XRCC4: variants seen among roughly 807,000 people sequenced by gnomAD.
XRCC4 encodes X-ray repair cross complementing 4.
In XRCC4, 28 loss-of-function variants were observed where a neutral mutation model predicts 39.1. The observed-to-expected ratio is 0.72, with a 90% confidence interval of 0.53 to 0.98. The LOEUF is 0.98. Among genes scored for constraint, XRCC4 ranks in the 50% least tolerant of loss-of-function variants. The probability of loss-of-function intolerance (pLI) is 0.00; values close to 1 mark genes in which losing one functional copy is unlikely to be tolerated. For synonymous variants in XRCC4, 123 were observed against 126.4 expected, an observed-to-expected ratio of 0.97 and a Z score of 0.18; for missense variants, 350 against 376.4, an observed-to-expected ratio of 0.93 and a Z score of 0.58.
intron 7 of XRCC4, among the ~76,000 whole-genome samples, chr5:83,308,800 C>T (rs1361585024): frequency 2.6e-5 from 4 of 152,072 alleles, no homozygotes; most frequent in Non-Finnish European, 5.9e-5. Flanking sequence ...TTAGATTGCA[C>T]AATTATTTAA....
chr5:83,320,441 G>T (rs950307229), intron 7 of XRCC4, among the ~76,000 whole-genome samples: 2 of 150,476 alleles, frequency 1.3e-5, no homozygotes, highest in Non-Finnish European at 3.0e-5. Flanking sequence ...TATGAACATT[G>T]TTAAAATTAC....
intron 6 of XRCC4, among the ~76,000 whole-genome samples, chr5:83,249,206 T>C (rs1273093542): frequency 6.6e-6 from 1 of 152,154 alleles, no homozygotes; most frequent in Admixed American, 6.5e-5. Flanking sequence ...AGACAATGAC[T>C]AACAGACTCA....
At chr5:83,093,967 A>AATTTT in intron 1 of XRCC4, among the ~76,000 whole-genome samples, 1 of 152,096 alleles carries the variant, frequency 6.6e-6, no homozygotes, top group East Asian at 2.0e-4. Flanking sequence ...TCTGCTAAGA[A>AATTTT]GTTTATTGTT....
At chr5:83,110,755 ATAAT>A in intron 2 of XRCC4, among the ~76,000 whole-genome samples, 1 of 152,212 alleles carries the variant, frequency 6.6e-6, no homozygotes, top group Admixed American at 6.5e-5. Flanking sequence ...AGTTTCTGTA[ATAAT>A]TTACAATGCG....
chr5:83,276,988 C>G (rs554490805), intron 7 of XRCC4, among the ~76,000 whole-genome samples: 56 of 152,142 alleles, frequency 3.7e-4, no homozygotes, highest in Admixed American at 2.2e-3. Flanking sequence ...GAAGGAGCAT[C>G]TATATATTTA....
intron 3 of XRCC4, among the ~76,000 whole-genome samples, chr5:83,151,813 A>T (rs1042024338): frequency 6.6e-6 from 1 of 152,218 alleles, no homozygotes; most frequent in Non-Finnish European, 1.5e-5. Flanking sequence ...ATATAGTAAC[A>T]TTAACCAAAT....
chr5:83,135,887 C>T (rs2112500140), intron 3 of XRCC4, among the ~76,000 whole-genome samples: 1 of 152,094 alleles, frequency 6.6e-6, no homozygotes, highest in South Asian at 2.1e-4. Context: ...ATAGATTTTT[C>T]TGCTCCATAT....
chr5:83,281,401 A>C (rs1384699284), intron 7 of XRCC4, among the ~76,000 whole-genome samples: 1 of 152,114 alleles, frequency 6.6e-6, no homozygotes, highest in Non-Finnish European at 1.5e-5. Context: ...CATGAGCTGC[A>C]CTTTCCCTAA....
chr5:83,222,436 G>A (rs927931996), intron 6 of XRCC4, among the ~76,000 whole-genome samples: 7 of 152,082 alleles, frequency 4.6e-5, no homozygotes, highest in Non-Finnish European at 7.4e-5. Flanking sequence ...ATAAAACATT[G>A]TTATTGTAGT....
intron 7 of XRCC4, among the ~76,000 whole-genome samples, chr5:83,330,820 C>T (rs985631430): frequency 6.6e-6 from 1 of 151,884 alleles, no homozygotes; most frequent in African/African-American, 2.4e-5. Flanking sequence ...CCTTTTAATG[C>T]TGGTAAGAAA....
chr5:83,345,230 G>A (rs1292657196), intron 7 of XRCC4, among the ~76,000 whole-genome samples: 1 of 152,126 alleles, frequency 6.6e-6, no homozygotes, highest in African/African-American at 2.4e-5. Flanking sequence ...ATGCAATTCA[G>A]TGTATCAATC....
intron 7 of XRCC4, among the ~76,000 whole-genome samples, chr5:83,303,543 C>T (rs1029478991): frequency 3.3e-5 from 5 of 151,978 alleles, no homozygotes; most frequent in Non-Finnish European, 7.4e-5. Flanking sequence ...GTAGTAACAA[C>T]AATTTACAAT....
At chr5:83,145,429 G>A (rs1203786518) in intron 3 of XRCC4, among the ~76,000 whole-genome samples, 2 of 152,168 alleles carry the variant, frequency 1.3e-5, no homozygotes, top group African/African-American at 4.8e-5. Flanking sequence ...GAGGTAAGGA[G>A]GAGTCTGTTT....
intron 1 of XRCC4, among the ~76,000 whole-genome samples, chr5:83,094,773 A>C (rs1236111314): frequency 2.0e-5 from 3 of 151,710 alleles, no homozygotes; most frequent in Non-Finnish European, 4.4e-5. Context: ...ATAGCTTTGA[A>C]TTCCTGGGCA....
chr5:83,137,719 G>A (rs773308992), intron 3 of XRCC4, among the ~76,000 whole-genome samples: 2 of 152,108 alleles, frequency 1.3e-5, no homozygotes, highest in Non-Finnish European at 2.9e-5. Flanking sequence ...GGCCTTAGGA[G>A]GTGGTTGTAA....
At chr5:83,095,832 G>A (rs1745649197) in intron 1 of XRCC4, among the ~76,000 whole-genome samples, 1 of 151,994 alleles carries the variant, frequency 6.6e-6, no homozygotes, top group African/African-American at 2.4e-5. Context: ...GAGCTGGCAA[G>A]CCTATTCCGG....
intron 3 of XRCC4, among the ~76,000 whole-genome samples, chr5:83,176,361 T>C (rs933070355): frequency 6.6e-6 from 1 of 152,142 alleles, no homozygotes; most frequent in African/African-American, 2.4e-5. Flanking sequence ...AAAATTGTTG[T>C]GAATACTTGA....
chr5:83,184,067 T>A (rs536671613), intron 3 of XRCC4, among the ~76,000 whole-genome samples: 9 of 151,932 alleles, frequency 5.9e-5, no homozygotes, highest in Non-Finnish European at 8.8e-5. Context: ...TTTAAAAAAA[T>A]TTTTAATAAA....
chr5:83,100,053 CTCAT>C (rs1745857925), intron 1 of XRCC4, among the ~76,000 whole-genome samples: 1 of 151,996 alleles, frequency 6.6e-6, no homozygotes, highest in African/African-American at 2.4e-5. Context: ...GCTTTCAAAC[CTCAT>C]TCAAATAGTA....
Sources: allele counts gnomAD v4.1 joint callset (sites outside exome capture counted in the v4.1 genomes callset), GRCh38; gene constraint gnomAD v4.1.1; transcripts MANE v1.5; gene names NCBI Gene and HGNC (gene_info 2026-07-23, HGNC 2026-07-21).